The following FMN1 variants were observed in gnomAD, a reference collection of about 807,000 sequenced individuals.
FMN1 encodes formin-1.
A neutral mutation model predicts 132.4 loss-of-function variants in FMN1; 110 were observed. That is an observed-to-expected ratio of 0.83 (90% CI 0.71 to 0.97). The LOEUF is 0.97. FMN1 is among the 50% of genes least tolerant of loss of function. FMN1 has a pLI of 0.00. For synonymous variants in FMN1, 722 were observed against 651.7 expected (o/e 1.11, Z -1.64); for missense variants, 1,792 against 1,705.3 (o/e 1.05, Z -0.90).
At chr15:32,949,932 C>A in intron 9 of FMN1, among the ~76,000 whole-genome samples, 4 of 78,588 alleles carry the variant, frequency 5.1e-5, no homozygotes, top group Admixed American at 1.5e-4. Context: ...ATGCATGAGG[C>A]CAAAAAGCAT....
chr15:32,781,775 A>G (rs982993775), intron 19 of FMN1, among the ~76,000 whole-genome samples: 1 of 152,128 alleles, frequency 6.6e-6, no homozygotes, highest in African/African-American at 2.4e-5. Context: ...CAATTTCCTC[A>G]TCTCTTTAAA....
chr15:33,049,181 A>T (rs747686359), intron 6 of FMN1, among the ~76,000 whole-genome samples: 1 of 152,210 alleles, frequency 6.6e-6, no homozygotes, highest in Non-Finnish European at 1.5e-5. Context: ...TTTTGGTCAC[A>T]TTGTAACCTA....
chr15:33,085,401 GTTGA>G (rs1367926697), intron 5 of FMN1, among the ~76,000 whole-genome samples: 1 of 151,978 alleles, frequency 6.6e-6, no homozygotes, highest in Non-Finnish European at 1.5e-5. Context: ...TATAAAAACT[GTTGA>G]TTCAGAAAAT....
intron 9 of FMN1, among the ~76,000 whole-genome samples, chr15:32,951,426 C>G (rs1372023512): frequency 6.7e-4 from 1 of 1,494 alleles, no homozygotes; most frequent in Non-Finnish European, 0.01. Flanking sequence ...CCCAGTGGGA[C>G]ACACACACAC....
At chr15:32,810,560 T>C (rs978606766) in intron 17 of FMN1, among the ~76,000 whole-genome samples, 1 of 152,204 alleles carries the variant, frequency 6.6e-6, no homozygotes, top group Non-Finnish European at 1.5e-5. Flanking sequence ...AAAGTTTTTA[T>C]AAATAAAATG....
At chr15:32,945,470 A>C (rs749610424) in intron 9 of FMN1, among the ~76,000 whole-genome samples, 8 of 152,268 alleles carry the variant, frequency 5.3e-5, no homozygotes, top group Admixed American at 5.2e-4. Flanking sequence ...ATAATTTCTC[A>C]TCTAATAATA....
At chr15:32,858,717 A>G (rs909720675) in intron 16 of FMN1, among the ~76,000 whole-genome samples, 3 of 152,238 alleles carry the variant, frequency 2.0e-5, no homozygotes, top group African/African-American at 7.2e-5. Context: ...TTACCTTGAA[A>G]CAACTAGAAC....
chr15:32,855,362 T>G (rs2059107992), intron 17 of FMN1, among the ~76,000 whole-genome samples: 1 of 152,020 alleles, frequency 6.6e-6, no homozygotes, highest in Non-Finnish European at 1.5e-5. Context: ...ATACCTTTAC[T>G]TCCCTGTCAT....
At chr15:33,015,058 T>A (rs1212648182) in intron 6 of FMN1, among the ~76,000 whole-genome samples, 1 of 152,234 alleles carries the variant, frequency 6.6e-6, no homozygotes, top group East Asian at 1.9e-4. Flanking sequence ...CGCCTCAGGT[T>A]GAACAGCTTT....
intron 17 of FMN1, among the ~76,000 whole-genome samples, chr15:32,829,448 C>T (rs2058449642): frequency 6.6e-6 from 1 of 152,118 alleles, no homozygotes; most frequent in Non-Finnish European, 1.5e-5. Context: ...AGATAGTTTT[C>T]AAAGATTGGA....
intron 4 of FMN1, among the ~76,000 whole-genome samples, chr15:33,134,442 G>A (rs1042122554): frequency 6.6e-6 from 1 of 152,154 alleles, no homozygotes; most frequent in African/African-American, 2.4e-5. Context: ...AAAAGTGTGT[G>A]TTTGGCATGT....
intron 4 of FMN1, among the ~76,000 whole-genome samples, chr15:33,152,796 A>AAAAAAAAAAG (rs1348442749): frequency 2.0e-5 from 3 of 150,828 alleles, no homozygotes; most frequent in African/African-American, 7.3e-5. Flanking sequence ...GCCAAAAAAA[A>AAAAAAAAAAG]AAAAAAAGAA....
intron 4 of FMN1, among the ~76,000 whole-genome samples, chr15:33,108,045 T>A (rs2039552350): frequency 6.6e-6 from 1 of 152,104 alleles, no homozygotes; most frequent in Non-Finnish European, 1.5e-5. Context: ...GCAAGAATTC[T>A]GTGCCAGGTT....
intron 7 of FMN1, among the ~76,000 whole-genome samples, chr15:32,999,426 G>C (rs192378416): frequency 2.3e-4 from 35 of 152,324 alleles, no homozygotes; most frequent in Non-Finnish European, 4.4e-4. Flanking sequence ...ACAGTAAAAT[G>C]AGGAAGTCTA....
chr15:32,792,302 G>A lies in FMN1; in HGVS notation c.4130+6502C>T, dbSNP rs899628583. ...AAAAAAAAAAAAAAAAAAATTAGCCGGGCGTGGTGGCAGACGCCTGTAGTC... is the reference window on the plus strand; with the variant it reads ...AAAAAAAAAAAAAAAAAAATTAGCCAGGCGTGGTGGCAGACGCCTGTAGTC... On this transcript the variant is annotated intron_variant, in intron 19 of 20. Coordinates refer to ENST00000616417, the MANE Select transcript of FMN1 (RefSeq NM_001277313.2). Among the ~76,000 whole-genome samples, 6 of 148,140 alleles carry A rather than the reference G, an allele frequency of 4.1e-5. No individual in the cohort carries two copies. In the South Asian group the frequency reaches 8.7e-4, roughly 21 times the overall value.
At chr15:32,779,385 G>T (rs1022829029) in intron 19 of FMN1, among the ~76,000 whole-genome samples, 13 of 152,158 alleles carry the variant, frequency 8.5e-5, no homozygotes, top group African/African-American at 3.1e-4. Context: ...TACCCATCAG[G>T]TTGGCAAATG....
intron 7 of FMN1, among the ~76,000 whole-genome samples, chr15:32,977,709 T>C (rs1445396592): frequency 6.6e-6 from 1 of 152,156 alleles, no homozygotes; most frequent in Non-Finnish European, 1.5e-5. Context: ...TCTCTATTCA[T>C]AAAAGCTTCA....
intron 7 of FMN1, among the ~76,000 whole-genome samples, chr15:32,994,203 G>C (rs556266540): frequency 5.9e-4 from 68 of 115,318 alleles, no homozygotes; most frequent in African/African-American, 2.1e-3. Context: ...TTGTTGAATA[G>C]AACTCATTCC....
intron 4 of FMN1, among the ~76,000 whole-genome samples, chr15:33,120,879 T>C (rs1019183908): frequency 2.0e-5 from 3 of 152,220 alleles, no homozygotes; most frequent in African/African-American, 7.2e-5. Context: ...TCCAGGACTC[T>C]TTCTTCTGAA....
Sources: gnomAD v4.1 joint callset for allele counts (sites outside exome capture counted in the v4.1 genomes callset) on GRCh38, gnomAD v4.1.1 for gene constraint, MANE v1.5 for transcripts, NCBI Gene and HGNC (gene_info 2026-07-23, HGNC 2026-07-21) for gene names.